The following USP34 variants were observed in gnomAD, a reference collection of about 807,000 sequenced individuals.
USP34 encodes the protein ubiquitin carboxyl-terminal hydrolase 34.
A neutral mutation model predicts 460.3 loss-of-function variants in USP34; 70 were observed. That is an observed-to-expected ratio of 0.15 (90% CI 0.13 to 0.19). The LOEUF (loss-of-function observed/expected upper bound fraction) is 0.19. USP34 is among the 10% of genes least tolerant of loss of function. USP34 has a pLI of 1.00. For missense variants in USP34, 3,985 were observed against 4,236.2 expected (o/e 0.94, Z 1.65); for synonymous variants, 1,647 against 1,405.3 (o/e 1.17, Z -3.85).
At chr2:61,311,424 A>G (rs1690587809) in intron 27 of USP34, 116 bp downstream of exon 27, 1 of 1,122,478 alleles carries the variant, frequency 8.9e-7, no homozygotes, top group South Asian at 1.8e-5. Context: ...ATATGATATA[A>G]CCAAGAAAGA....
chr2:61,236,289 G>A, intron 54 of USP34, 36 bp downstream of exon 54: 1 of 1,590,746 alleles, frequency 6.3e-7, no homozygotes, highest in Non-Finnish European at 8.5e-7. Context: ...TTTTTAAAAT[G>A]TGTAAAATAT....
chr2:61,296,022 G>A (rs1690016337), intron 30 of USP34, among the ~76,000 whole-genome samples: 1 of 152,200 alleles, frequency 6.6e-6, no homozygotes, highest in Non-Finnish European at 1.5e-5. Flanking sequence ...ATTTTGGGAG[G>A]CTGAGATGGG....
In USP34 at chr2:61,201,127, C is replaced by T. The variant is rs144840026; in HGVS notation, c.9508+2013G>A. Among the ~76,000 whole-genome samples, 517 of 151,436 alleles carry T rather than the reference C, an allele frequency of 3.4e-3. 2 individuals are homozygous for T. The highest frequency in any genetic ancestry group is 0.011 in the African/African-American group (445 of 41,246). On this transcript the variant is annotated intron_variant, in intron 75 of 79. Coordinates refer to ENST00000398571, the MANE Select transcript of USP34 (RefSeq NM_014709.4). ...AAAATTCAGTTCCTTAGTCACATTT[C>T]AAGTTCTCAACACTCACAAATGATG... is the stretch of plus-strand genomic sequence containing the variant.
intron 30 of USP34, among the ~76,000 whole-genome samples, chr2:61,295,925 G>A (rs1039633083): frequency 2.0e-5 from 3 of 152,108 alleles, no homozygotes; most frequent in African/African-American, 7.2e-5. Flanking sequence ...AGTTCTTTCG[G>A]AGATGTCCTC....
intron 41 of USP34, among the ~76,000 whole-genome samples, chr2:61,270,846 C>T (rs1689191915): frequency 6.6e-6 from 1 of 152,176 alleles, no homozygotes; most frequent in Admixed American, 6.5e-5. Context: ...CCAAGTTTCT[C>T]CTATACTTCC....
rs776329118 is a variant in USP34, at chr2:61,211,776, T to C, written c.8836A>G (p.Ile2946Val). 1.9e-6 allele frequency: 3 copies of C among 1,577,012 alleles called. No individual in the cohort carries two copies. Among genetic ancestry groups the C allele is most frequent in the South Asian group, 1.2e-5 (1 of 84,906 alleles). ...LDGRSCWTTL[I>V]SAFRILLESD... The stretch of plus-strand genomic sequence containing the variant: ...AAACTAAAAACATCTTTTTACCTTA[T>C]TAAAGTAGTCCAGCAGGAGCGGCCA... Residue 2946 changes from isoleucine (I) to valine (V), a missense_variant, in exon 69 of 80, where the codon ATA becomes GTA. This residue lies in a region of USP34 where 275 missense variants were observed against 292.7 expected (regional missense o/e 0.94). Coordinates refer to ENST00000398571, the MANE Select transcript of USP34 (RefSeq NM_014709.4).
intron 48 of USP34, 64 bp downstream of exon 48, chr2:61,256,320 T>C: frequency 7.1e-7 from 1 of 1,407,684 alleles, no homozygotes; most frequent in Non-Finnish European, 9.9e-7. Flanking sequence ...AATCTTAGTT[T>C]ACCCTTAGTT....
rs572101307 is a variant in USP34, at chr2:61,281,119, G to T, written c.5122C>A (p.Pro1708Thr). ...ATAGGTTTGAGTGCTTGAGCATCAG[G>T]AAGAAATTTCAATAATGTTGAGGCA... ...LAASTLLKFL[P>T]DAQALKPIRI... The change falls in exon 38 of 80, where the codon CCT (proline) becomes ACT (threonine). Residue 1708 changes from proline to threonine, a missense_variant. This residue lies in a region of USP34 where 1,114 missense variants were observed against 1,122.5 expected (regional missense o/e 0.99). Transcript: ENST00000398571. 6 of 1,613,702 alleles carry T rather than the reference G, an allele frequency of 3.7e-6. No individual in the cohort carries two copies. The highest frequency in any genetic ancestry group is 5.1e-6 in the Non-Finnish European group (6 of 1,179,830).
intron 27 of USP34, among the ~76,000 whole-genome samples, chr2:61,305,896 A>C (rs1363387908): frequency 6.6e-6 from 1 of 152,182 alleles, no homozygotes; most frequent in Non-Finnish European, 1.5e-5. Flanking sequence ...CTAAAACAGA[A>C]GTGTCTGTTC....
rs548458325 is a variant in USP34 at position 61,368,693 on chromosome 2, A to T, written c.1251+1628T>A. On this transcript the variant is annotated intron_variant, in intron 10 of 79. Coordinates refer to ENST00000398571, the MANE Select transcript of USP34 (RefSeq NM_014709.4). ...AAGTTGGACACATACATAACACTTT[A>T]AACCAACATAAATCCCAGCTGGATC... Among the ~76,000 whole-genome samples, 29 of 152,354 alleles carry T rather than the reference A, an allele frequency of 1.9e-4. No individual in the cohort carries two copies. In the South Asian group the frequency reaches 5.4e-3, roughly 28 times the overall value.
intron 10 of USP34, among the ~76,000 whole-genome samples, chr2:61,356,634 T>C (rs1692116310): frequency 6.6e-6 from 1 of 152,216 alleles, no homozygotes; most frequent in African/African-American, 2.4e-5. Flanking sequence ...ATTTAATGAT[T>C]CCACTTATAT....
At chr2:61,261,543 G>T (rs1402407038) in intron 43 of USP34, among the ~76,000 whole-genome samples, 1 of 152,084 alleles carries the variant, frequency 6.6e-6, no homozygotes, top group Non-Finnish European at 1.5e-5. Context: ...AGTTTCTGTT[G>T]GGAAGGTGAA....
chr2:61,300,839 G>T, intron 29 of USP34, 112 bp downstream of exon 29: 2 of 653,780 alleles, frequency 3.1e-6, no homozygotes, highest in Non-Finnish European at 4.5e-6. Context: ...AAAAAAAGGA[G>T]AGAAAATTAT....
At chr2:61,401,750 G>C (rs1693728200) in intron 3 of USP34, among the ~76,000 whole-genome samples, 1 of 145,098 alleles carries the variant, frequency 6.9e-6, no homozygotes, top group Non-Finnish European at 1.5e-5. Context: ...AGTAGAGACA[G>C]CGTTTTACCG....
chr2:61,270,046 C>A (rs979603088), intron 41 of USP34, among the ~76,000 whole-genome samples: 41 of 152,228 alleles, frequency 2.7e-4, no homozygotes, highest in African/African-American at 9.9e-4. Flanking sequence ...ATTAGCCAAT[C>A]TCTCTTCATC....
intron 1 of USP34, among the ~76,000 whole-genome samples, chr2:61,448,189 A>T (rs564789530): frequency 1.1e-4 from 16 of 152,332 alleles, no homozygotes; most frequent in African/African-American, 3.8e-4. Flanking sequence ...AAAAACACAA[A>T]CTGGCCAGGC....
chr2:61,402,822 G>A (rs79664581), intron 3 of USP34, among the ~76,000 whole-genome samples: 1,699 of 152,152 alleles, frequency 0.011, 24 homozygotes, highest in Middle Eastern at 0.02. Flanking sequence ...ATAATAATTT[G>A]TTTGCTTTAA....
intron 27 of USP34, among the ~76,000 whole-genome samples, chr2:61,305,345 C>G (rs1690369739): frequency 6.6e-6 from 1 of 151,732 alleles, no homozygotes; most frequent in Admixed American, 6.6e-5. Context: ...CAGACATAAA[C>G]TGACAAGGAG....
intron 59 of USP34, 70 bp downstream of exon 59, chr2:61,229,476 CAA>C (rs70959901): frequency 1.3e-4 from 52 of 401,678 alleles, no homozygotes; most frequent in Non-Finnish European, 1.6e-4. Flanking sequence ...AAAAAAAAAA[CAA>C]AAAAAAAAAA....
Sources: gnomAD v4.1 joint callset for allele counts (sites outside exome capture counted in the v4.1 genomes callset) on GRCh38, gnomAD v4.1.1 for gene constraint, gnomAD v4.1.1 regional missense constraint, MANE v1.5 for transcripts, NCBI Gene and HGNC (gene_info 2026-07-23, HGNC 2026-07-21) for gene names.